CCR9: variants seen among roughly 807,000 people sequenced by gnomAD.
CCR9 encodes the protein C-C chemokine receptor type 9.
A neutral mutation model predicts 8.7 loss-of-function variants in CCR9; 4 were observed. The observed-to-expected ratio is 0.46, with a 90% confidence interval of 0.23 to 1.06. The LOEUF (loss-of-function observed/expected upper bound fraction) is 1.06, where lower values mean the gene tolerates loss of function less well. Among genes scored for constraint, CCR9 ranks in the 50% least tolerant of loss-of-function variants. The probability of loss-of-function intolerance (pLI) is 0.21; values close to 1 mark genes in which losing one functional copy is unlikely to be tolerated. For synonymous variants in CCR9, 159 were observed against 168.8 expected (o/e 0.94, Z 0.45); for missense variants, 394 against 453.6 (o/e 0.87, Z 1.19).
chr3:45,894,893 G>A lies in CCR9; in HGVS notation c.-28-13G>A. 6.2e-7 allele frequency: 1 copy of A among 1,608,716 alleles called. No homozygotes were observed. Among genetic ancestry groups the A allele is most frequent in the Non-Finnish European group, 8.5e-7 (1 of 1,176,320 alleles). On this transcript the variant is annotated splice_polypyrimidine_tract_variant and intron_variant, in intron 1 of 2. Transcript: ENST00000357632. ...CAAGCCAGTCCACTTTTTGATTTTTGTCCCTTTTCCAGGAGCAGGCTTGCA... is the reference window on the plus strand; with the variant it reads ...CAAGCCAGTCCACTTTTTGATTTTTATCCCTTTTCCAGGAGCAGGCTTGCA...
At position 45,901,529 on chromosome 3, in the gene CCR9, T is replaced by G; in HGVS notation, c.741T>G (p.Ser247=). The change falls in exon 3 of 3, where the codon TCT becomes TCG. Residue 247 remains serine (S), a synonymous_variant. Transcript: ENST00000357632. The surrounding 1 kb of genome is among the most constrained non-coding windows in gnomAD (Gnocchi z 4.3). ...ACACCCTGATACAAGCCAAGAAGTCTTCCAAGCACAAAGCCCTAAAAGTGA... is the reference window on the plus strand; with the variant it reads ...ACACCCTGATACAAGCCAAGAAGTCGTCCAAGCACAAAGCCCTAAAAGTGA... ...IIHTLIQAKK[S]SKHKALKVTI... is the part of the protein sequence containing the mutation. 6.2e-7 allele frequency: 1 copy of G among 1,614,208 alleles called. No homozygotes were observed. The highest frequency in any genetic ancestry group is 8.5e-7 in the Non-Finnish European group (1 of 1,180,028).
intron 1 of CCR9, among the ~76,000 whole-genome samples, chr3:45,894,056 C>A (rs1298313828): frequency 6.6e-6 from 1 of 152,112 alleles, no homozygotes; most frequent in Non-Finnish European, 1.5e-5. Flanking sequence ...AATGTACTCG[C>A]TAAGGGTATA....
chr3:45,901,570 C>A lies in CCR9; in HGVS notation c.782C>A (p.Thr261Asn). The change falls in exon 3 of 3, where the codon ACC (threonine) becomes AAC (asparagine). Residue 261 changes from threonine to asparagine, a missense_variant. By Grantham distance (65) the Thr-to-Asn change is moderately conservative. Transcript: ENST00000357632. This position sits in a 1 kb window ranked among gnomAD's most constrained non-coding sequence, Gnocchi z 4.3. Reference sequence around the variant, plus strand: ...CTAAAAGTGACCATCACTGTCCTGACCGTCTTTGTCTTGTCTCAGTTTCCC... The same window carrying A: ...CTAAAAGTGACCATCACTGTCCTGAACGTCTTTGTCTTGTCTCAGTTTCCC... ...KALKVTITVL[T>N]VFVLSQFPYN... The A allele has an allele frequency of 6.2e-7, 1 of 1,614,222 alleles. No individual in the cohort carries two copies. The highest frequency in any genetic ancestry group is 8.5e-7 in the Non-Finnish European group (1 of 1,180,016).
rs1272114118 is a variant in CCR9 at position 45,900,838 on chromosome 3, A to G, written c.50A>G (p.Tyr17Cys). The G allele has an allele frequency of 3.1e-6, 5 of 1,613,694 alleles. No individual in the cohort carries two copies. In the South Asian group the frequency reaches 4.4e-5, roughly 14 times the overall value. Residue 17 changes from tyrosine (Y) to cysteine (C), a missense_variant, in exon 3 of 3, where the codon TAT becomes TGT. By Grantham distance (194) the Tyr-to-Cys change is radical. Coordinates refer to ENST00000357632, the MANE Select transcript of CCR9 (RefSeq NM_031200.3). The surrounding 1 kb of genome is among the most constrained non-coding windows in gnomAD (Gnocchi z 4.7). ...CCTATTCCTAACATGGCTGATGACT[A>G]TGGCTCTGAATCCACATCTTCCATG... ...TSPIPNMADD[Y>C]GSESTSSMED...
chr3:45,901,260 AG>A lies in CCR9; in HGVS notation c.475del (p.Glu159ArgfsTer52). On this transcript the variant is annotated frameshift_variant, in exon 3 of 3. Transcript: ENST00000357632. LOFTEE classifies it low-confidence loss of function (END_TRUNC). This position sits in a 1 kb window ranked among gnomAD's most constrained non-coding sequence, Gnocchi z 4.3. The stretch of plus-strand genomic sequence containing the variant: ...CCAGGCCATGAGAGCACATACTTGG[AG>A]GGAGAAAAGGCTTTTGTACAGCAAA... Reference protein sequence around the residue: ...IAQAMRAHTWREKRLLYSKMV... With the variant: ...IAQAMRAHTWXEKRLLYSKMV... 1 of 1,614,160 alleles carries A rather than the reference AG, an allele frequency of 6.2e-7. No homozygotes were observed. Among genetic ancestry groups the A allele is most frequent in the Non-Finnish European group, 8.5e-7 (1 of 1,180,036 alleles).
intron 1 of CCR9, among the ~76,000 whole-genome samples, chr3:45,892,808 C>T (rs1702228059): frequency 6.6e-6 from 1 of 152,110 alleles, no homozygotes; most frequent in South Asian, 2.1e-4. Context: ...CAGCACAAGG[C>T]ACTCCAGTGC....
chr3:45,887,070 C>T (rs1291689215), intron 1 of CCR9, among the ~76,000 whole-genome samples: 6 of 151,902 alleles, frequency 3.9e-5, no homozygotes, highest in Non-Finnish European at 7.4e-5. Context: ...CATCAGGAGG[C>T]GAATGGTTAA....
chr3:45,898,917 C>T (rs1702456200), intron 2 of CCR9, among the ~76,000 whole-genome samples: 1 of 152,350 alleles, frequency 6.6e-6, no homozygotes, highest in South Asian at 2.1e-4. Flanking sequence ...CCTGTAATGC[C>T]AGCACTTTCG....
At chr3:45,897,835 CAGG>C (rs1288444344) in intron 2 of CCR9, among the ~76,000 whole-genome samples, 2 of 152,040 alleles carry the variant, frequency 1.3e-5, no homozygotes, top group Non-Finnish European at 2.9e-5. Context: ...GGAGCTGCAG[CAGG>C]AGGAGAGCAG....
At chr3:45,896,310 T>A (rs922866450) in intron 2 of CCR9, among the ~76,000 whole-genome samples, 1 of 152,198 alleles carries the variant, frequency 6.6e-6, no homozygotes, top group African/African-American at 2.4e-5. Flanking sequence ...CAGCCCCAGA[T>A]AAGAAGGAAA....
intron 1 of CCR9, among the ~76,000 whole-genome samples, chr3:45,887,321 C>G (rs1171368271): frequency 6.6e-6 from 1 of 151,912 alleles, no homozygotes; most frequent in Non-Finnish European, 1.5e-5. Context: ...ATCTCAGAAA[C>G]TTAACAATGG....
Position 45,894,909 on chromosome 3 carries a change from C to T in CCR9, c.-25C>T, listed in dbSNP as rs770345570. On this transcript the variant is annotated 5_prime_UTR_variant, in exon 2 of 3. Coordinates refer to ENST00000357632, the MANE Select transcript of CCR9 (RefSeq NM_031200.3). ...TTGATTTTTGTCCCTTTTCCAGGAG[C>T]AGGCTTGCATCTGACTGACCCACCA... is the stretch of plus-strand genomic sequence containing the variant. 6.2e-7 allele frequency: 1 copy of T among 1,613,398 alleles called. No homozygotes were observed. The highest frequency in any genetic ancestry group is 1.1e-5 in the South Asian group (1 of 91,052).
intron 1 of CCR9, among the ~76,000 whole-genome samples, chr3:45,892,814 A>G (rs1258853941): frequency 2.0e-5 from 3 of 152,154 alleles, no homozygotes; most frequent in African/African-American, 7.2e-5. Context: ...AAGGCACTCC[A>G]GTGCACTTTT....
Position 45,901,745 on chromosome 3 carries a change from T to G in CCR9, c.957T>G (p.Phe319Leu). The change falls in exon 3 of 3, where the codon TTT (phenylalanine) becomes TTG (leucine). Residue 319 changes from phenylalanine to leucine, a missense_variant. Coordinates refer to ENST00000357632, the MANE Select transcript of CCR9 (RefSeq NM_031200.3). The surrounding 1 kb of genome is among the most constrained non-coding windows in gnomAD (Gnocchi z 4.3). ...HSCLNPVLYVFVGERFRRDLV... is the reference protein window; with the variant it reads ...HSCLNPVLYVLVGERFRRDLV... Reference sequence around the variant, plus strand: ...GCCTGAACCCTGTTCTCTATGTTTTTGTGGGTGAGAGATTCCGCCGGGATC... The same window carrying G: ...GCCTGAACCCTGTTCTCTATGTTTTGGTGGGTGAGAGATTCCGCCGGGATC... 1 of 1,614,206 alleles carries G rather than the reference T, an allele frequency of 6.2e-7. No homozygotes were observed. The highest frequency in any genetic ancestry group is 8.5e-7 in the Non-Finnish European group (1 of 1,180,038).
rs151040374 is a variant in CCR9, at chr3:45,889,886, A to G, written c.-29+3231A>G. Among the ~76,000 whole-genome samples, 18 of 151,842 alleles carry G rather than the reference A, an allele frequency of 1.2e-4. No homozygotes were observed. The East Asian group carries it at 2.9e-3, about 25-fold the overall frequency. ...TTTCCAATTTTTGTTCTGCTCCAAC[A>G]TATATCCCTATACCTGGACCCTTGT... On this transcript the variant is annotated intron_variant, in intron 1 of 2. Coordinates refer to ENST00000357632, the MANE Select transcript of CCR9 (RefSeq NM_031200.3).
At chr3:45,899,695 G>T (rs79587259) in intron 2 of CCR9, among the ~76,000 whole-genome samples, 1 of 152,090 alleles carries the variant, frequency 6.6e-6, no homozygotes, top group Non-Finnish European at 1.5e-5. Flanking sequence ...AAGTGAGAGC[G>T]CTTGAAGATC....
In CCR9 at chr3:45,900,909, A is replaced by C. The variant is rs1374860349; in HGVS notation, c.121A>C (p.Asn41His). ...CTTCACTGACTTCTACTGTGAGAAA[A>C]ACAATGTCAGGCAGTTTGCGAGCCA... ...FNFTDFYCEK[N>H]NVRQFASHFL... The change falls in exon 3 of 3, where the codon AAC becomes CAC. Residue 41 changes from asparagine to histidine, a missense_variant. Physicochemically the swap from Asn to His is moderately conservative, Grantham distance 68. Coordinates refer to ENST00000357632, the MANE Select transcript of CCR9 (RefSeq NM_031200.3). This position sits in a 1 kb window ranked among gnomAD's most constrained non-coding sequence, Gnocchi z 4.7. The C allele has an allele frequency of 3.7e-6, 6 of 1,614,212 alleles. No individual in the cohort carries two copies. The highest frequency in any genetic ancestry group is 5.1e-6 in the Non-Finnish European group (6 of 1,180,028).
rs116526961 is a variant in CCR9 at position 45,896,408 on chromosome 3, C to T, written c.21+1454C>T. On this transcript the variant is annotated intron_variant, in intron 2 of 2. Coordinates refer to ENST00000357632, the MANE Select transcript of CCR9 (RefSeq NM_031200.3). The stretch of plus-strand genomic sequence containing the variant: ...ATGGGACCCCTGTGGCCCTGACTCC[C>T]ATATTCCATGGAAAGTAGCCGTGGC... 7.8e-3 allele frequency among the ~76,000 whole-genome samples: 1,194 copies of T among 152,330 alleles called. 12 individuals are homozygous for T. The highest frequency in any genetic ancestry group is 0.012 in the Non-Finnish European group (832 of 68,034).
chr3:45,896,429 G>A (rs1474076015), intron 2 of CCR9, among the ~76,000 whole-genome samples: 8 of 152,222 alleles, frequency 5.3e-5, no homozygotes, highest in South Asian at 2.1e-4. Context: ...GAAAGTAGCC[G>A]TGGCACCCTG....
Sources: gnomAD v4.1 joint callset for allele counts (sites outside exome capture counted in the v4.1 genomes callset) on GRCh38, gnomAD v4.1.1 for gene constraint, Gnocchi (gnomAD v3.1) non-coding constraint, MANE v1.5 for transcripts, NCBI Gene and HGNC (gene_info 2026-07-23, HGNC 2026-07-21) for gene names.